The following TPD52L1 variants were observed in gnomAD, a reference collection of about 807,000 sequenced individuals.
TPD52L1 encodes the protein tumor protein D53.
Under a neutral mutation model 28.7 loss-of-function variants are expected in TPD52L1, and 18 were observed. The observed-to-expected ratio is 0.63, with a 90% confidence interval of 0.43 to 0.93. The LOEUF (loss-of-function observed/expected upper bound fraction) is 0.93. Among genes scored for constraint, TPD52L1 ranks in the 40% least tolerant of loss-of-function variants. The probability of loss-of-function intolerance (pLI) is 0.00; values close to 1 mark genes in which losing one functional copy is unlikely to be tolerated. For synonymous variants in TPD52L1, 75 were observed against 88.8 expected, an observed-to-expected ratio of 0.84 and a Z score of 0.88; for missense variants, 203 against 254.8, an observed-to-expected ratio of 0.80 and a Z score of 1.39.
At chr6:125,262,611 T>C (rs538506296) in intron 6 of TPD52L1, 2 of 505,630 alleles carry the variant, frequency 4.0e-6, no homozygotes, top group African/African-American at 3.9e-5. Context: ...AGAGGGTTGC[T>C]AAAAGTGTGC....
At chr6:125,215,929 C>T (rs73577781) in intron 1 of TPD52L1, among the ~76,000 whole-genome samples, 1 of 152,140 alleles carries the variant, frequency 6.6e-6, no homozygotes, top group East Asian at 1.9e-4. Flanking sequence ...AATTTGGGTT[C>T]CAGCTAAGTT....
At chr6:125,172,460 TTG>T (rs1211284945) in intron 1 of TPD52L1, among the ~76,000 whole-genome samples, 8 of 114,370 alleles carry the variant, frequency 7.0e-5, no homozygotes, top group African/African-American at 1.1e-4. Flanking sequence ...GCCTGGATTT[TTG>T]TGTGTGTGTG....
chr6:125,165,629 G>A (rs531029575), intron 1 of TPD52L1, among the ~76,000 whole-genome samples: 102 of 152,226 alleles, frequency 6.7e-4, no homozygotes, highest in African/African-American at 2.4e-3. Context: ...ATGGTTATTT[G>A]TATCTTATAC....
chr6:125,224,574 A>G (rs1374559413), intron 2 of TPD52L1, among the ~76,000 whole-genome samples: 1 of 151,538 alleles, frequency 6.6e-6, no homozygotes, highest in Non-Finnish European at 1.5e-5. Flanking sequence ...ATAATATCTT[A>G]TTGTTTTGCA....
intron 4 of TPD52L1, 34 bp from the exon 5 acceptor site, chr6:125,253,683 C>A (rs752986481): frequency 1.9e-6 from 3 of 1,602,146 alleles, no homozygotes; most frequent in South Asian, 2.2e-5. Context: ...CTTCTTTTTT[C>A]TTTTTTCCCC....
At chr6:125,232,937 T>G (rs1180547998) in intron 3 of TPD52L1, among the ~76,000 whole-genome samples, 8 of 152,128 alleles carry the variant, frequency 5.3e-5, no homozygotes. Flanking sequence ...TTATGTTGTC[T>G]TTAGACTTCA....
intron 2 of TPD52L1, among the ~76,000 whole-genome samples, chr6:125,224,681 C>G (rs569842908): frequency 6.6e-6 from 1 of 152,238 alleles, no homozygotes; most frequent in East Asian, 1.9e-4. Context: ...CACGTGAGAC[C>G]AAATGTGGTT....
At chr6:125,220,338 T>C in intron 2 of TPD52L1, 145 bp downstream of exon 2, 1 of 602,006 alleles carries the variant, frequency 1.7e-6, no homozygotes. Context: ...CATTACAAGA[T>C]GATTCATTTT....
chr6:125,167,538 A>G (rs761490247), intron 1 of TPD52L1, among the ~76,000 whole-genome samples: 5 of 152,210 alleles, frequency 3.3e-5, no homozygotes, highest in Non-Finnish European at 7.4e-5. Flanking sequence ...TTTTCACGTG[A>G]CAATTTAGAG....
At chr6:125,236,447 T>G (rs927364267) in intron 3 of TPD52L1, among the ~76,000 whole-genome samples, 1 of 152,196 alleles carries the variant, frequency 6.6e-6, no homozygotes, top group African/African-American at 2.4e-5. Context: ...TAGCTAGCTA[T>G]ATTTAAATTA....
At chr6:125,260,277 C>T (rs1456642317) in intron 6 of TPD52L1, 1 of 152,128 alleles carries the variant, frequency 6.6e-6, no homozygotes, top group East Asian at 1.9e-4. Context: ...CAATGGAAAC[C>T]ATCCCTTCCC....
chr6:125,158,791 C>G (rs1218959837), intron 1 of TPD52L1, among the ~76,000 whole-genome samples: 1 of 152,098 alleles, frequency 6.6e-6, no homozygotes, highest in East Asian at 1.9e-4. Context: ...GGGTTCAGTT[C>G]CAGATCACCC....
At chr6:125,257,010 G>A (rs577392425) in intron 5 of TPD52L1, 88 bp from the exon 6 acceptor site, 2 of 1,202,874 alleles carry the variant, frequency 1.7e-6, no homozygotes, top group Non-Finnish European at 2.4e-6. Context: ...CAGAGGCCGT[G>A]TTTACAGATA....
intron 1 of TPD52L1, among the ~76,000 whole-genome samples, chr6:125,178,931 T>C (rs1390802414): frequency 6.6e-6 from 1 of 152,222 alleles, no homozygotes; most frequent in Admixed American, 6.5e-5. Flanking sequence ...ACTCTGAACT[T>C]ATTATTGTTT....
intron 6 of TPD52L1, chr6:125,261,369 C>G (rs969170596): frequency 2.6e-5 from 4 of 152,126 alleles, no homozygotes; most frequent in African/African-American, 7.2e-5. Context: ...AGACACAATC[C>G]CCAGTGTTGC....
At chr6:125,249,127 C>T (rs1401230486) in intron 4 of TPD52L1, among the ~76,000 whole-genome samples, 1 of 150,674 alleles carries the variant, frequency 6.6e-6, no homozygotes, top group East Asian at 1.9e-4. Context: ...ATATTATATA[C>T]AATATTATAT....
Position 125,241,317 on chromosome 6 carries a change from T to C in TPD52L1, c.285-6965T>C, listed in dbSNP as rs1286610788. Reference sequence around the variant, plus strand: ...TCCTTTCCTGGTTTTGGCATTACATTTGGTGATACCAGCTTCATAGAATGA... The same window carrying C: ...TCCTTTCCTGGTTTTGGCATTACATCTGGTGATACCAGCTTCATAGAATGA... On this transcript the variant is annotated intron_variant, in intron 3 of 6. Coordinates refer to ENST00000534000, the MANE Select transcript of TPD52L1 (RefSeq NM_003287.4). Among the ~76,000 whole-genome samples, 4 of 152,038 alleles carry C rather than the reference T, an allele frequency of 2.6e-5. No individual in the cohort carries two copies. The East Asian group carries it at 5.8e-4, about 22-fold the overall frequency.
chr6:125,207,289 T>G (rs1794215184), intron 1 of TPD52L1, among the ~76,000 whole-genome samples: 1 of 152,202 alleles, frequency 6.6e-6, no homozygotes, highest in African/African-American at 2.4e-5. Flanking sequence ...AAAGTCAAAA[T>G]AGCATGAATT....
chr6:125,177,717 A>C (rs1053608220), intron 1 of TPD52L1, among the ~76,000 whole-genome samples: 9 of 152,176 alleles, frequency 5.9e-5, no homozygotes, highest in African/African-American at 2.2e-4. Context: ...TTAAAGTTTC[A>C]GGTTTAGAAA....
Sources: allele counts gnomAD v4.1 joint callset (sites outside exome capture counted in the v4.1 genomes callset), GRCh38; gene constraint gnomAD v4.1.1; transcripts MANE v1.5; gene names NCBI Gene and HGNC (gene_info 2026-07-23, HGNC 2026-07-21).